The following KCNK13 variants were observed in gnomAD, a reference collection of about 807,000 sequenced individuals.
KCNK13 encodes potassium two pore domain channel subfamily K member 13.
A neutral mutation model predicts 23.4 loss-of-function variants in KCNK13; 12 were observed. The observed-to-expected ratio is 0.51, with a 90% CI of 0.33 to 0.83. The LOEUF is 0.83. Ranked by LOEUF, KCNK13 falls within the 40% of genes least tolerant of loss-of-function variation. The pLI is 0.02. For synonymous variants in KCNK13, 231 were observed against 229.5 expected, an observed-to-expected ratio of 1.01 and a Z score of -0.06; for missense variants, 463 against 556.3, an observed-to-expected ratio of 0.83 and a Z score of 1.69.
intron 1 of KCNK13, among the ~76,000 whole-genome samples, chr14:90,152,989 C>T (rs1345539917): frequency 6.6e-6 from 1 of 152,156 alleles, no homozygotes; most frequent in Non-Finnish European, 1.5e-5. Context: ...ACACTCAACT[C>T]TGCCCATCCC....
intron 1 of KCNK13, among the ~76,000 whole-genome samples, chr14:90,072,639 A>G (rs1162628793): frequency 3.3e-5 from 5 of 152,186 alleles, no homozygotes; most frequent in Admixed American, 1.3e-4. Flanking sequence ...CCTTGCATGC[A>G]CTTATTTCTA....
intron 1 of KCNK13, among the ~76,000 whole-genome samples, chr14:90,154,895 A>C (rs1890177024): frequency 6.6e-6 from 1 of 152,228 alleles, no homozygotes; most frequent in African/African-American, 2.4e-5. Context: ...AGTTAATCTG[A>C]CTATGTACTG....
chr14:90,184,262 G>A lies in KCNK13; in HGVS notation c.486G>A (p.Gln162=), dbSNP rs1355968756. The A allele has an allele frequency of 6.2e-7, 1 of 1,614,134 alleles. No individual in the cohort carries two copies. Among genetic ancestry groups the A allele is most frequent in the Admixed American group, 1.7e-5 (1 of 60,014 alleles). The change falls in exon 2 of 2, where the codon CAG becomes CAA. Residue 162 remains glutamine (Q), a synonymous_variant. Coordinates refer to ENST00000282146, the MANE Select transcript of KCNK13 (RefSeq NM_022054.4). The surrounding 1 kb of genome is among the most constrained non-coding windows in gnomAD (Gnocchi z 5.6). ...CCTACATCATGAAGTCGTGCCACCA[G>A]CGGCAGCTCCGGAGACGAGGGGCCC... ...IIAYIMKSCH[Q]RQLRRRGALP... is the part of the protein sequence containing the mutation.
intron 1 of KCNK13, among the ~76,000 whole-genome samples, chr14:90,167,329 T>C (rs757403891): frequency 6.6e-6 from 1 of 152,214 alleles, no homozygotes. Context: ...TTTCATTGCT[T>C]TTCTCACCAC....
chr14:90,132,735 A>G (rs566814318), intron 1 of KCNK13, among the ~76,000 whole-genome samples: 16 of 152,304 alleles, frequency 1.1e-4, no homozygotes, highest in Non-Finnish European at 2.1e-4. Context: ...ACCTAAAAGT[A>G]GATAAGATGG....
intron 1 of KCNK13, among the ~76,000 whole-genome samples, chr14:90,105,314 G>T (rs10145953): frequency 0.75 from 114,199 of 151,932 alleles, 43,185 homozygotes; most frequent in East Asian, 0.91. Flanking sequence ...ATCTTCAGCC[G>T]CACCTGAAGA....
intron 1 of KCNK13, among the ~76,000 whole-genome samples, chr14:90,178,370 C>G (rs1465439306): frequency 1.3e-5 from 2 of 151,816 alleles, no homozygotes; most frequent in Non-Finnish European, 2.9e-5. Context: ...CATTTCACTG[C>G]AAACTCCACC....
chr14:90,122,932 T>G (rs1443410682), intron 1 of KCNK13, among the ~76,000 whole-genome samples: 1 of 152,096 alleles, frequency 6.6e-6, no homozygotes, highest in Non-Finnish European at 1.5e-5. Context: ...ACACACTATC[T>G]CAGCACTCTC....
At chr14:90,064,382 C>T (rs995632763) in intron 1 of KCNK13, among the ~76,000 whole-genome samples, 2 of 150,124 alleles carry the variant, frequency 1.3e-5, no homozygotes, top group African/African-American at 5.1e-5. Context: ...TGTGTGTGGA[C>T]AGGTGCATCC....
chr14:90,124,463 A>G (rs1889772909), intron 1 of KCNK13, among the ~76,000 whole-genome samples: 1 of 152,252 alleles, frequency 6.6e-6, no homozygotes. Context: ...TCAAAGCATG[A>G]AATGGATCAC....
At chr14:90,086,986 C>A (rs1160136260) in intron 1 of KCNK13, among the ~76,000 whole-genome samples, 3 of 151,822 alleles carry the variant, frequency 2.0e-5, no homozygotes, top group African/African-American at 7.2e-5. Flanking sequence ...AGCTTTGGCA[C>A]CAGTGAAATC....
At chr14:90,134,740 C>T (rs780803400) in intron 1 of KCNK13, among the ~76,000 whole-genome samples, 6 of 152,284 alleles carry the variant, frequency 3.9e-5, no homozygotes, top group East Asian at 3.9e-4. Context: ...TGCAGAGAGA[C>T]GTGTGTGATC....
chr14:90,141,359 A>G (rs1276408614), intron 1 of KCNK13, among the ~76,000 whole-genome samples: 2 of 152,252 alleles, frequency 1.3e-5, no homozygotes, highest in Admixed American at 6.5e-5. Flanking sequence ...ACACAAATGC[A>G]TACAAATACA....
chr14:90,137,469 C>T (rs1030923525), intron 1 of KCNK13, among the ~76,000 whole-genome samples: 12 of 152,066 alleles, frequency 7.9e-5, no homozygotes, highest in Non-Finnish European at 1.5e-4. Context: ...TACAGGCGCC[C>T]GCCAACACGG....
chr14:90,083,744 A>G (rs1889240087), intron 1 of KCNK13, among the ~76,000 whole-genome samples: 1 of 152,224 alleles, frequency 6.6e-6, no homozygotes, highest in African/African-American at 2.4e-5. Flanking sequence ...CAAAATTCTA[A>G]GAAGTAAATT....
chr14:90,159,943 A>AGG (rs941132945), intron 1 of KCNK13, among the ~76,000 whole-genome samples: 2 of 72,124 alleles, frequency 2.8e-5, no homozygotes, highest in South Asian at 5.8e-4. Flanking sequence ...GTGTGTGTGT[A>AGG]GGGGTGTGTG....
At chr14:90,177,590 G>A (rs11629339) in intron 1 of KCNK13, among the ~76,000 whole-genome samples, 38,081 of 152,004 alleles carry the variant, frequency 0.25, 6,187 homozygotes, top group East Asian at 0.65. Context: ...GTATATAATG[G>A]CAATTTTGCC....
At chr14:90,135,876 G>A (rs1208519876) in intron 1 of KCNK13, among the ~76,000 whole-genome samples, 1 of 152,168 alleles carries the variant, frequency 6.6e-6, no homozygotes, top group East Asian at 1.9e-4. Context: ...CAGCCAGGAT[G>A]TTGATAAGCT....
intron 1 of KCNK13, among the ~76,000 whole-genome samples, chr14:90,072,552 G>A (rs8006000): frequency 2.1e-4 from 32 of 152,288 alleles, no homozygotes; most frequent in Middle Eastern, 6.8e-3. Flanking sequence ...GACAGGGAGC[G>A]CATAGCATCG....
Sources: allele counts gnomAD v4.1 joint callset (sites outside exome capture counted in the v4.1 genomes callset), GRCh38; gene constraint gnomAD v4.1.1; non-coding constraint Gnocchi (gnomAD v3.1); transcripts MANE v1.5; gene names NCBI Gene and HGNC (gene_info 2026-07-23, HGNC 2026-07-21).